Variants in RBFOX3 observed in about 807,000 individuals in gnomAD.
RBFOX3 encodes RNA binding fox-1 homolog 3.
Under a neutral mutation model 48.7 loss-of-function variants are expected in RBFOX3, and 17 were observed. The ratio of observed to expected loss-of-function variants is 0.35; its 90% CI spans 0.24 to 0.52. The LOEUF (loss-of-function observed/expected upper bound fraction) is 0.52. Ranked by LOEUF, RBFOX3 falls within the 20% of genes least tolerant of loss-of-function variation. The pLI is 0.94. For missense variants in RBFOX3, 382 were observed against 497.5 expected (o/e 0.77, Z 2.21); for synonymous variants, 212 against 209.5 (o/e 1.01, Z -0.10).
chr17:79,203,655 T>C (rs1257633046), intron 4 of RBFOX3, among the ~76,000 whole-genome samples: 3 of 143,326 alleles, frequency 2.1e-5, no homozygotes, highest in Admixed American at 1.4e-4. Context: ...ACTGTGGGGG[T>C]GGTTGGATTT....
At chr17:79,238,715 A>T (rs552502042) in intron 3 of RBFOX3, among the ~76,000 whole-genome samples, 2 of 152,256 alleles carry the variant, frequency 1.3e-5, no homozygotes, top group South Asian at 2.1e-4. Context: ...AGTTCTCTTA[A>T]ATGTGTCACA....
chr17:79,415,786 G>T (rs746543042), intron 2 of RBFOX3, among the ~76,000 whole-genome samples: 1 of 152,134 alleles, frequency 6.6e-6, no homozygotes, highest in African/African-American at 2.4e-5. Context: ...GAGTCTGTGT[G>T]GGTCATAAGG....
chr17:79,337,498 G>A (rs903560028), intron 2 of RBFOX3, among the ~76,000 whole-genome samples: 16 of 152,328 alleles, frequency 1.1e-4, no homozygotes, highest in East Asian at 3.9e-4. Context: ...CAGTTGCGCC[G>A]GGCACGGTGG....
In RBFOX3 at chr17:79,442,432, C is replaced by A. The variant is rs74002507; in HGVS notation, c.-175+40022G>T. On this transcript the variant is annotated intron_variant, in intron 2 of 14. Coordinates refer to ENST00000693108, the MANE Select transcript of RBFOX3 (RefSeq NM_001350451.2). Reference sequence around the variant, plus strand: ...GAGACAGAGAGAGAGAGAGAGACACCAAGCAGGGCTGGGTGAGTTGGGTGT... The same window carrying A: ...GAGACAGAGAGAGAGAGAGAGACACAAAGCAGGGCTGGGTGAGTTGGGTGT... Among the ~76,000 whole-genome samples, 687 of 141,686 alleles carry A rather than the reference C, an allele frequency of 4.8e-3. 10 individuals carry two copies. The highest frequency in any genetic ancestry group is 0.018 in the African/African-American group (656 of 36,034). 93.0% of individuals were successfully genotyped at this position (141,686 alleles called of 152,430 possible).
chr17:79,093,791 CCACACACACACACA>C (rs60453390), intron 14 of RBFOX3, among the ~76,000 whole-genome samples: 9 of 143,822 alleles, frequency 6.3e-5, no homozygotes, highest in Middle Eastern at 3.3e-3. Flanking sequence ...CAACAGCTGG[CCACACACACACACA>C]CACACACACA....
intron 14 of RBFOX3, 32 bp from the exon 15 acceptor site, chr17:79,090,917 G>C (rs2073750592): frequency 1.3e-6 from 2 of 1,516,164 alleles, no homozygotes; most frequent in Non-Finnish European, 1.8e-6. Context: ...AGGACTTGCA[G>C]CTTCTCGGGG....
Position 79,124,238 on chromosome 17 carries a change from G to A in RBFOX3, c.-33-8490C>T, listed in dbSNP as rs370814369. Among the ~76,000 whole-genome samples, 107 of 152,326 alleles carry A rather than the reference G, an allele frequency of 7.0e-4. 1 individual carries two copies. In the South Asian group the frequency reaches 0.021, roughly 30 times the overall value. ...ACACATAAGGGCTGGATTGGGATTT[G>A]TCACAGAAGAGAGGGTTGTTAGACA... On this transcript the variant is annotated intron_variant, in intron 4 of 14. Coordinates refer to ENST00000693108, the MANE Select transcript of RBFOX3 (RefSeq NM_001350451.2).
intron 4 of RBFOX3, among the ~76,000 whole-genome samples, chr17:79,163,638 G>A (rs1464390282): frequency 1.3e-5 from 2 of 152,214 alleles, no homozygotes; most frequent in Non-Finnish European, 2.9e-5. Flanking sequence ...TGCCCACCCA[G>A]CACTGGGTGC....
chr17:79,641,205 G>A, the RBFOX3 span, among the ~76,000 whole-genome samples: 1 of 152,186 alleles, frequency 6.6e-6, no homozygotes, highest in South Asian at 2.1e-4. Flanking sequence ...TGAAAAGGTG[G>A]TCATTATTAA....
chr17:79,348,157 C>A (rs986838364), intron 2 of RBFOX3, among the ~76,000 whole-genome samples: 5 of 152,182 alleles, frequency 3.3e-5, no homozygotes, highest in Non-Finnish European at 7.3e-5. Context: ...TGGTCGTCTG[C>A]AGAAAAGCGG....
At chr17:79,415,026 G>C (rs929818443) in intron 2 of RBFOX3, among the ~76,000 whole-genome samples, 6 of 152,130 alleles carry the variant, frequency 3.9e-5, no homozygotes, top group Admixed American at 2.6e-4. Flanking sequence ...CCAGCTCATC[G>C]CCACGGTCCA....
intron 1 of RBFOX3, among the ~76,000 whole-genome samples, chr17:79,591,250 G>A (rs992614966): frequency 2.6e-5 from 4 of 152,200 alleles, no homozygotes; most frequent in Admixed American, 6.5e-5. Flanking sequence ...CACAGGTGTC[G>A]CTGGGGGCCA....
intron 2 of RBFOX3, among the ~76,000 whole-genome samples, chr17:79,342,615 C>T (rs968290766): frequency 9.2e-5 from 14 of 152,164 alleles, no homozygotes; most frequent in African/African-American, 1.4e-4. Flanking sequence ...GTGCTTTAGC[C>T]GTGCAGGTCA....
At chr17:79,251,884 GAGCGTCTTACAGCTCCCC>G (rs2064015029) in intron 3 of RBFOX3, among the ~76,000 whole-genome samples, 1 of 152,198 alleles carries the variant, frequency 6.6e-6, no homozygotes, top group Non-Finnish European at 1.5e-5. Flanking sequence ...AGGCTGAGGA[GAGCGTCTTACAGCTCCCC>G]AGTGGCCGAG....
At chr17:79,518,890 G>A (rs2085646129) in intron 1 of RBFOX3, among the ~76,000 whole-genome samples, 3 of 152,376 alleles carry the variant, frequency 2.0e-5, no homozygotes, top group East Asian at 3.9e-4. Context: ...TTTTCCCGTC[G>A]TAGGGAGGGT....
At chr17:79,664,765 T>C in the RBFOX3 span, among the ~76,000 whole-genome samples, 1 of 152,122 alleles carries the variant, frequency 6.6e-6, no homozygotes, top group Non-Finnish European at 1.5e-5. Flanking sequence ...CCCCATTAGA[T>C]GACACCTCTT....
At chr17:79,469,558 C>T (rs1156651331) in intron 2 of RBFOX3, among the ~76,000 whole-genome samples, 5 of 152,210 alleles carry the variant, frequency 3.3e-5, no homozygotes, top group African/African-American at 1.2e-4. Flanking sequence ...TCGCACCTCA[C>T]ATCTCCCTAT....
rs139534124 is a variant in RBFOX3 at position 79,210,512 on chromosome 17, C to T, written c.-34+25254G>A. The stretch of plus-strand genomic sequence containing the variant: ...CATACTTCACGTAACTATCCCTTTA[C>T]GGCGGACAGGTAAGATGATGCCAGA... On this transcript the variant is annotated intron_variant, in intron 4 of 14. Coordinates refer to ENST00000693108, the MANE Select transcript of RBFOX3 (RefSeq NM_001350451.2). 4.1e-3 allele frequency among the ~76,000 whole-genome samples: 628 copies of T among 152,372 alleles called. 6 individuals carry two copies. Among genetic ancestry groups the T allele is most frequent in the Middle Eastern group, 0.02 (6 of 294 alleles).
chr17:79,543,245 C>T (rs2089962347), intron 1 of RBFOX3, among the ~76,000 whole-genome samples: 1 of 152,196 alleles, frequency 6.6e-6, no homozygotes, highest in African/African-American at 2.4e-5. Flanking sequence ...TGAGCATCTT[C>T]TCTGTGCCAG....
Sources: gnomAD v4.1 joint callset for allele counts (sites outside exome capture counted in the v4.1 genomes callset) on GRCh38, gnomAD v4.1.1 for gene constraint, MANE v1.5 for transcripts, NCBI Gene and HGNC (gene_info 2026-07-23, HGNC 2026-07-21) for gene names.